MED14: variants seen among roughly 807,000 people sequenced by gnomAD.
MED14 encodes mediator of RNA polymerase II transcription subunit 14.
A neutral mutation model predicts 109.0 loss-of-function variants in MED14; 8 were observed. That is an observed-to-expected ratio of 0.07 (90% CI 0.04 to 0.13). The LOEUF (loss-of-function observed/expected upper bound fraction) is 0.13, where lower values mean the gene tolerates loss of function less well. Among genes scored for constraint, MED14 ranks in the 10% least tolerant of loss-of-function variants. The pLI is 1.00. For synonymous variants in MED14, 399 were observed against 408.7 expected, an observed-to-expected ratio of 0.98 and a Z score of 0.29; for missense variants, 711 against 1,142.4, an observed-to-expected ratio of 0.62 and a Z score of 5.44.
intron 11 of MED14, among the ~76,000 whole-genome samples, chrX:40,702,084 G>T (rs957731510): frequency 8.9e-6 from 1 of 111,805 alleles, no homozygotes; most frequent in African/African-American, 3.3e-5. Flanking sequence ...ATACAAGCTA[G>T]AAAGAGAGCC....
intron 3 of MED14, 107 bp downstream of exon 3, chrX:40,726,639 T>A: frequency 1.8e-6 from 1 of 560,010 alleles, no homozygotes; most frequent in Non-Finnish European, 2.8e-6. Flanking sequence ...ATTATTCACA[T>A]GTCACTCAAA....
chrX:40,714,298 T>A (rs916914223), intron 4 of MED14, among the ~76,000 whole-genome samples: 2 of 112,053 alleles, frequency 1.8e-5, no homozygotes, highest in African/African-American at 6.5e-5. Context: ...AGATGTTATG[T>A]CTGCACATCC....
Position 40,649,940 on chromosome X carries a change from C to G in MED14, c.*1866G>C, listed in dbSNP as rs1602435819. 4.0e-5 allele frequency: 30 copies of G among 753,563 alleles called. No individual in the cohort carries two copies. Among genetic ancestry groups the G allele is most frequent in the Non-Finnish European group, 4.6e-5 (29 of 637,029 alleles). 62.1% of individuals were successfully genotyped at this position (753,563 alleles called of 1,213,427 possible). On this transcript the variant is annotated 3_prime_UTR_variant, in exon 31 of 31. Transcript: ENST00000324817. The stretch of plus-strand genomic sequence containing the variant: ...ACTGAATGCATCATGTGTAAAAATG[C>G]AATTAACATTTCAAAACCACATTAA...
At chrX:40,699,859 C>T (rs1930855910) in intron 12 of MED14, among the ~76,000 whole-genome samples, 1 of 111,917 alleles carries the variant, frequency 8.9e-6, no homozygotes, top group Non-Finnish European at 1.9e-5. Flanking sequence ...AAAAATCATG[C>T]CCTGCGCTGG....
chrX:40,650,012 CAAT>C lies in MED14; in HGVS notation c.*1791_*1793del, dbSNP rs1215173877. The C allele has an allele frequency of 4.3e-5, 32 of 737,918 alleles. No individual in the cohort carries two copies. Among genetic ancestry groups the C allele is most frequent in the Non-Finnish European group, 4.8e-5 (30 of 625,423 alleles). 60.8% of individuals were successfully genotyped at this position (737,918 alleles called of 1,213,427 possible). ...TAACTCTTAATAAAATTATTTGAAA[CAAT>C]ATTATCCTGCAGATAAAAATACATT... On this transcript the variant is annotated 3_prime_UTR_variant, in exon 31 of 31. Transcript: ENST00000324817.
Position 40,651,252 on chromosome X carries a change from C to T in MED14, c.*554G>A. Reference sequence around the variant, plus strand: ...AAGATGTCTCTAGAGTTTATATACACACAAGTGAGTGTCACTGTTTTGTTT... The same window carrying T: ...AAGATGTCTCTAGAGTTTATATACATACAAGTGAGTGTCACTGTTTTGTTT... On this transcript the variant is annotated 3_prime_UTR_variant, in exon 31 of 31. Coordinates refer to ENST00000324817, the MANE Select transcript of MED14 (RefSeq NM_004229.4). The T allele has an allele frequency of 1.3e-5, 10 of 754,178 alleles. No individual in the cohort carries two copies. The highest frequency in any genetic ancestry group is 1.6e-5 in the Non-Finnish European group (10 of 638,927). The allele number at this position is 754,178 out of a possible 1,213,427, so 62.2% of individuals were successfully genotyped here.
chrX:40,733,716 AG>A (rs1171146397), intron 1 of MED14, among the ~76,000 whole-genome samples: 1 of 112,129 alleles, frequency 8.9e-6, no homozygotes, highest in African/African-American at 3.2e-5. Context: ...GAGCAACAAC[AG>A]GAAGAATGGA....
intron 13 of MED14, among the ~76,000 whole-genome samples, chrX:40,693,187 C>T (rs1041468807): frequency 3.0e-4 from 33 of 111,523 alleles, no homozygotes; most frequent in Admixed American, 1.1e-3. Context: ...GATATTCACA[C>T]CTCAGCTTAT....
rs139986223 is a variant in MED14, at chrX:40,723,807, G to C, written c.348+2939C>G. 7.4e-4 allele frequency among the ~76,000 whole-genome samples: 81 copies of C among 109,077 alleles called. No homozygotes were observed. In the East Asian group the frequency reaches 0.02, roughly 27 times the overall value. 94.7% of individuals were successfully genotyped at this position (109,077 alleles called of 115,157 possible). A position where few individuals can be genotyped will look rare whatever the true frequency, so the allele number is the denominator to read the frequency against. On this transcript the variant is annotated intron_variant, in intron 3 of 30. Coordinates refer to ENST00000324817, the MANE Select transcript of MED14 (RefSeq NM_004229.4). ...AAAAAAGAGAAGACCACAAAACAAT[G>C]AGAAAACAACAAAATGGCAGGAGTA...
intron 26 of MED14, among the ~76,000 whole-genome samples, chrX:40,661,932 T>G (rs1245483166): frequency 9.0e-6 from 1 of 111,253 alleles, no homozygotes; most frequent in Admixed American, 9.5e-5. Flanking sequence ...GGCGCGATCT[T>G]GGCTCACTGC....
intron 3 of MED14, among the ~76,000 whole-genome samples, chrX:40,716,952 A>T (rs1202716322): frequency 8.0e-5 from 9 of 111,866 alleles, no homozygotes; most frequent in Non-Finnish European, 3.8e-5. Context: ...TGTGGGAGTT[A>T]AAAAAGTGGA....
Position 40,686,545 on chromosome X carries a change from T to C in MED14, c.2057+1909A>G, listed in dbSNP as rs5918025. 1.9e-4 allele frequency among the ~76,000 whole-genome samples: 21 copies of C among 110,681 alleles called. No individual in the cohort carries two copies. In the Admixed American group the frequency reaches 1.9e-3, roughly 10 times the overall value. On this transcript the variant is annotated intron_variant, in intron 16 of 30. Transcript: ENST00000324817. ...TCCTGAAAACGTTTTTGTGGAAATGTTGTTAAGATAGCCAGGAAGAGGAAC... is the reference window on the plus strand; with the variant it reads ...TCCTGAAAACGTTTTTGTGGAAATGCTGTTAAGATAGCCAGGAAGAGGAAC...
chrX:40,732,412 G>A (rs767815155), intron 1 of MED14, among the ~76,000 whole-genome samples: 1 of 110,805 alleles, frequency 9.0e-6, no homozygotes, highest in African/African-American at 3.3e-5. Flanking sequence ...GCAGCTACTC[G>A]GGAGGCTGAG....
chrX:40,718,766 A>C (rs1302683596), intron 3 of MED14, among the ~76,000 whole-genome samples: 1 of 111,134 alleles, frequency 9.0e-6, no homozygotes, highest in Non-Finnish European at 1.9e-5. Flanking sequence ...TTGAACCCAG[A>C]AGTTTGAGGT....
At chrX:40,668,277 G>A (rs1929583697) in intron 23 of MED14, among the ~76,000 whole-genome samples, 1 of 107,865 alleles carries the variant, frequency 9.3e-6, no homozygotes, top group Non-Finnish European at 1.9e-5. Flanking sequence ...CAGCTACTCA[G>A]GAGGCTGAGG....
rs777549825 is a variant in MED14 at position 40,654,992 on chromosome X, C to T, written c.4041G>A (p.Pro1347=). Residue 1347 remains proline, a synonymous_variant, in exon 29 of 31, where the codon CCG becomes CCA. Coordinates refer to ENST00000324817, the MANE Select transcript of MED14 (RefSeq NM_004229.4). Reference sequence around the variant, plus strand: ...CAGGCGTCCCAGGAGGTGCAATCGGCGGCGCGCTGGGAGGGATCGTCAGGC... The same window carrying T: ...CAGGCGTCCCAGGAGGTGCAATCGGTGGCGCGCTGGGAGGGATCGTCAGGC... ...QFCLTIPPSA[P]PIAPPGTPAV... The T allele has an allele frequency of 1.7e-5, 21 of 1,208,701 alleles. No individual in the cohort carries two copies. Among genetic ancestry groups the T allele is most frequent in the East Asian group, 1.2e-4 (4 of 33,760 alleles).
chrX:40,662,851 G>C (rs5918024), intron 26 of MED14, 74 bp downstream of exon 26: 1 of 784,455 alleles, frequency 1.3e-6, no homozygotes, highest in East Asian at 3.4e-5. Context: ...CGTTAGTTCA[G>C]ATCCTATCCT....
chrX:40,650,187 G>A lies in MED14; in HGVS notation c.*1619C>T, dbSNP rs1220450196. ...AAAAACAGAAGGATAAAAAGATTAA[G>A]TTAAAGGAAGGATAAAAGTTTAGTC... is the stretch of plus-strand genomic sequence containing the variant. On this transcript the variant is annotated 3_prime_UTR_variant, in exon 31 of 31. Coordinates refer to ENST00000324817, the MANE Select transcript of MED14 (RefSeq NM_004229.4). 2.7e-6 allele frequency: 2 copies of A among 752,611 alleles called. No homozygotes were observed. Among genetic ancestry groups the A allele is most frequent in the Non-Finnish European group, 3.1e-6 (2 of 638,900 alleles). 62.0% of individuals were successfully genotyped at this position (752,611 alleles called of 1,213,427 possible).
At chrX:40,715,717 C>T (rs955583963) in intron 3 of MED14, among the ~76,000 whole-genome samples, 8 of 90,796 alleles carry the variant, frequency 8.8e-5, no homozygotes, top group South Asian at 6.5e-4. Context: ...ACCCGGAAGG[C>T]GGAGGTTGCA....
Sources: gnomAD v4.1 joint callset for allele counts (sites outside exome capture counted in the v4.1 genomes callset) on GRCh38, gnomAD v4.1.1 for gene constraint, MANE v1.5 for transcripts, NCBI Gene and HGNC (gene_info 2026-07-23, HGNC 2026-07-21) for gene names.